Variants in ENPP2 observed in about 807,000 individuals in gnomAD.
ENPP2 encodes autotaxin.
A neutral mutation model predicts 120.2 loss-of-function variants in ENPP2; 51 were observed. The ratio of observed to expected loss-of-function variants is 0.42; its 90% CI spans 0.34 to 0.54. ENPP2 has a LOEUF of 0.54. ENPP2 is among the 20% of genes least tolerant of loss of function. ENPP2 has a pLI of 0.04. For missense variants in ENPP2, 920 were observed against 1,066.5 expected, an observed-to-expected ratio of 0.86 and a Z score of 1.91; for synonymous variants, 365 against 366.4, an observed-to-expected ratio of 1.00 and a Z score of 0.04.
chr8:119,639,071 C>A (rs1817181255), upstream of ENPP2, among the ~76,000 whole-genome samples: 1 of 152,140 alleles, frequency 6.6e-6, no homozygotes, highest in South Asian at 2.1e-4. Flanking sequence ...GGGTTTGTTA[C>A]ATTGCCGTGG....
chr8:119,654,426 T>C (rs1372505379), intron 1 of ENPP2, among the ~76,000 whole-genome samples: 1 of 145,610 alleles, frequency 6.9e-6, no homozygotes, highest in Non-Finnish European at 1.5e-5. Context: ...ATAAAATATT[T>C]ATAGTATAAA....
intron 4 of ENPP2, among the ~76,000 whole-genome samples, chr8:119,619,826 G>A (rs1305520389): frequency 6.6e-6 from 1 of 151,668 alleles, no homozygotes; most frequent in Non-Finnish European, 1.5e-5. Context: ...AGAAAAAAAT[G>A]CTAAATTTCA....
At chr8:119,624,833 T>G (rs886689063) in intron 3 of ENPP2, among the ~76,000 whole-genome samples, 2 of 152,250 alleles carry the variant, frequency 1.3e-5, no homozygotes, top group Non-Finnish European at 2.9e-5. Flanking sequence ...ACATTGTGGT[T>G]GTTTCTCGGC....
upstream of ENPP2, among the ~76,000 whole-genome samples, chr8:119,640,907 T>C (rs898991402): frequency 3.9e-5 from 6 of 152,060 alleles, no homozygotes; most frequent in Admixed American, 1.3e-4. Context: ...CCAACACGCC[T>C]GGCTAATTTT....
At chr8:119,596,148 G>A (rs1029227821) in intron 11 of ENPP2, 2 of 640,864 alleles carry the variant, frequency 3.1e-6, no homozygotes, top group African/African-American at 3.7e-5. Flanking sequence ...ATGAGGGATG[G>A]ATGATTAGAG....
At chr8:119,595,798 C>T (rs1813843233) in intron 11 of ENPP2, 1 of 1,596,566 alleles carries the variant, frequency 6.3e-7, no homozygotes, top group Non-Finnish European at 8.6e-7. Context: ...AGGCAACCTT[C>T]AACTCAGACC....
chr8:119,612,979 GA>G (rs1404215966), intron 8 of ENPP2, among the ~76,000 whole-genome samples: 3 of 152,182 alleles, frequency 2.0e-5, no homozygotes, highest in African/African-American at 7.2e-5. Flanking sequence ...AGGAGACTTG[GA>G]TCATGATGGG....
At chr8:119,663,294 G>A (rs1345795660) in intron 1 of ENPP2, among the ~76,000 whole-genome samples, 1 of 152,130 alleles carries the variant, frequency 6.6e-6, no homozygotes. Context: ...GTCTTACTTA[G>A]GTAAATGCAT....
intron 1 of ENPP2, among the ~76,000 whole-genome samples, chr8:119,652,287 C>G (rs66725906): frequency 0.32 from 48,880 of 151,876 alleles, 8,193 homozygotes; most frequent in East Asian, 0.5. Context: ...CCAAAGTCCC[C>G]ACCTCCTTAT....
At position 119,655,035 on chromosome 8, in the gene ENPP2, T is replaced by C. The variant is rs1817728813; in HGVS notation, c.22-16508A>G. Among the ~76,000 whole-genome samples the C allele has an allele frequency of 2.0e-5, 3 of 152,202 alleles. No homozygotes were observed. In the South Asian group the frequency reaches 6.2e-4, roughly 31 times the overall value. On this transcript the variant is annotated intron_variant, in intron 1 of 25. Coordinates refer to the ENPP2 transcript ENST00000427067. ...ACCTTGTTCTTACTATTTCACCTCC[T>C]GAAGGAAACAGAGAGAGAAAGAAAA...
intron 12 of ENPP2, among the ~76,000 whole-genome samples, chr8:119,591,975 G>A (rs1026648609): frequency 8.5e-5 from 13 of 152,166 alleles, no homozygotes; most frequent in African/African-American, 2.2e-4. Flanking sequence ...TACTTTTGAA[G>A]TCCATCAGGC....
intron 12 of ENPP2, among the ~76,000 whole-genome samples, chr8:119,591,930 T>A (rs1433918234): frequency 6.6e-6 from 1 of 152,106 alleles, no homozygotes; most frequent in African/African-American, 2.4e-5. Context: ...TTCTAGGAAG[T>A]CCCTTATGCC....
intron 13 of ENPP2, among the ~76,000 whole-genome samples, chr8:119,588,141 A>G (rs1813244269): frequency 1.3e-5 from 2 of 152,204 alleles, no homozygotes; most frequent in African/African-American, 4.8e-5. Flanking sequence ...TGTGTATTCC[A>G]TTGGCCTTAA....
chr8:119,595,048 G>A (rs978376260), intron 11 of ENPP2, among the ~76,000 whole-genome samples: 5 of 152,194 alleles, frequency 3.3e-5, no homozygotes, highest in East Asian at 1.9e-4. Context: ...AGGGACTAAC[G>A]GGTGTGGAAC....
intron 9 of ENPP2, among the ~76,000 whole-genome samples, chr8:119,607,705 G>A (rs776426426): frequency 4.0e-5 from 6 of 151,660 alleles, no homozygotes; most frequent in Non-Finnish European, 8.8e-5. Flanking sequence ...GAGACAGGAT[G>A]GAAAAAAGGA....
At chr8:119,610,262 T>C (rs1815001945) in intron 8 of ENPP2, among the ~76,000 whole-genome samples, 1 of 152,154 alleles carries the variant, frequency 6.6e-6, no homozygotes, top group Admixed American at 6.5e-5. Context: ...TTTGTATTTC[T>C]TCTAAAAACA....
Position 119,617,231 on chromosome 8 carries a change from G to A in ENPP2, c.590C>T (p.Thr197Ile), listed in dbSNP as rs1252523976. The A allele has an allele frequency of 6.2e-7, 1 of 1,612,788 alleles. No homozygotes were observed. Among genetic ancestry groups the A allele is most frequent in the South Asian group, 1.1e-5 (1 of 91,054 alleles). ...CACCGGCCTCATGTAGGGAGAGTGT[G>A]TGCCACAAGACCCTGGAAAGAGAAT... The part of the protein sequence containing the change: ...PNIEKLRSCG[T>I]HSPYMRPVYP... Residue 197 changes from threonine (T) to isoleucine (I), a missense_variant, in exon 7 of 25, where the codon ACA (threonine) becomes ATA (isoleucine). Coordinates refer to ENST00000075322, the MANE Select transcript of ENPP2 (RefSeq NM_001040092.3).
Position 119,586,240 on chromosome 8 carries a change from T to C in ENPP2, c.1313A>G (p.Asn438Ser), listed in dbSNP as rs1223359325. The C allele has an allele frequency of 1.9e-6, 3 of 1,613,958 alleles. No individual in the cohort carries two copies. The highest frequency in any genetic ancestry group is 2.5e-6 in the Non-Finnish European group (3 of 1,179,950). ...HLPKRLHYAN[N>S]RRIEDIHLLV... ...TAAATGGATATCCTCAATTCTTCTG[T>C]TGTTGGCATAGTGCAAACGTTTGGG... The change falls in exon 15 of 25, where the codon AAC becomes AGC. Residue 438 changes from asparagine (N) to serine (S), a missense_variant. Transcript: ENST00000075322.
At chr8:119,662,239 A>G (rs1817941972) in intron 1 of ENPP2, among the ~76,000 whole-genome samples, 2 of 152,224 alleles carry the variant, frequency 1.3e-5, no homozygotes, top group Admixed American at 6.5e-5. Context: ...AGTTTGTTTT[A>G]TATGTATACA....
Sources: allele counts gnomAD v4.1 joint callset (sites outside exome capture counted in the v4.1 genomes callset), GRCh38; gene constraint gnomAD v4.1.1; transcripts MANE v1.5; gene names NCBI Gene and HGNC (gene_info 2026-07-23, HGNC 2026-07-21).